Variants in XRCC5 observed in about 807,000 individuals in gnomAD.
XRCC5 encodes the protein DNA repair protein Ku80.
XRCC5 carries 12 observed loss-of-function variants against 95.7 expected under a neutral mutation model. That is an observed-to-expected ratio of 0.13 (90% CI 0.08 to 0.20). XRCC5 has a LOEUF of 0.20. Ranked by LOEUF, XRCC5 falls within the 10% of genes least tolerant of loss-of-function variation. The pLI is 1.00. For synonymous variants in XRCC5, 281 were observed against 290.3 expected (o/e 0.97, Z 0.33); for missense variants, 595 against 873.9 (o/e 0.68, Z 4.02).
At chr2:216,181,695 G>A (rs1689391340) in intron 16 of XRCC5, among the ~76,000 whole-genome samples, 1 of 152,190 alleles carries the variant, frequency 6.6e-6, no homozygotes, top group Non-Finnish European at 1.5e-5. Context: ...GAGACAAAAT[G>A]ACCTCCATCT....
At chr2:216,137,793 C>G (rs1198217802) in intron 11 of XRCC5, among the ~76,000 whole-genome samples, 1 of 152,094 alleles carries the variant, frequency 6.6e-6, no homozygotes, top group Non-Finnish European at 1.5e-5. Flanking sequence ...ATCTTGACTT[C>G]CAGGTCAACC....
At chr2:216,115,791 A>G (rs745571221) in intron 2 of XRCC5, among the ~76,000 whole-genome samples, 2 of 148,746 alleles carry the variant, frequency 1.3e-5, no homozygotes, top group Non-Finnish European at 3.0e-5. Flanking sequence ...TGTAAATCCT[A>G]ATGTTTCATA....
chr2:216,194,433 A>G (rs1689678238), intron 18 of XRCC5, among the ~76,000 whole-genome samples: 2 of 152,336 alleles, frequency 1.3e-5, no homozygotes, highest in South Asian at 4.1e-4. Context: ...ATAGTTACAT[A>G]AAATACGACA....
At chr2:216,173,035 A>G (rs939398405) in intron 16 of XRCC5, among the ~76,000 whole-genome samples, 6 of 151,646 alleles carry the variant, frequency 4.0e-5, no homozygotes, top group African/African-American at 1.5e-4. Flanking sequence ...TTATTTTTGG[A>G]TTATTTGTTG....
At chr2:216,110,936 G>A (rs1696580159) in intron 1 of XRCC5, among the ~76,000 whole-genome samples, 1 of 151,704 alleles carries the variant, frequency 6.6e-6, no homozygotes, top group South Asian at 2.1e-4. Context: ...ATCTCTTAGT[G>A]CATTGTGTTG....
chr2:216,146,547 T>A (rs901094888), intron 13 of XRCC5, among the ~76,000 whole-genome samples: 2 of 152,240 alleles, frequency 1.3e-5, no homozygotes, highest in African/African-American at 4.8e-5. Flanking sequence ...GGAATAGTTA[T>A]ACCTTAATTT....
chr2:216,131,837 A>G (rs1289269672), intron 9 of XRCC5, among the ~76,000 whole-genome samples: 1 of 152,194 alleles, frequency 6.6e-6, no homozygotes, highest in African/African-American at 2.4e-5. Flanking sequence ...CAAATGTACC[A>G]TGCTTTTACA....
At chr2:216,154,338 C>T (rs1688803560) in intron 14 of XRCC5, among the ~76,000 whole-genome samples, 1 of 152,160 alleles carries the variant, frequency 6.6e-6, no homozygotes. Flanking sequence ...TAAAAGGATG[C>T]TGATAATAGC....
Position 216,162,018 on chromosome 2 carries a change from G to T in XRCC5, c.1804G>T (p.Val602Leu). The change falls in exon 16 of 21, where the codon GTG becomes TTG. Residue 602 changes from valine (V) to leucine (L), a missense_variant. By Grantham distance (32) the Val-to-Leu change is conservative. Around this residue, in one of 2 missense-constraint regions of XRCC5, gnomAD observed 309 missense variants for 382.9 expected, o/e 0.81. Transcript: ENST00000392132. Reference protein sequence around the residue: ...VNPAENFRVLVKQKKASFEEA... With the variant: ...VNPAENFRVLLKQKKASFEEA... ...TCCTGCTGAAAACTTCCGTGTTCTA[G>T]TGAAACAGAAGAAGGCCAGCTTTGA... is the stretch of plus-strand genomic sequence containing the variant. 6.2e-7 allele frequency: 1 copy of T among 1,614,178 alleles called. No homozygotes were observed. Among genetic ancestry groups the T allele is most frequent in the Non-Finnish European group, 8.5e-7 (1 of 1,180,022 alleles).
At chr2:216,146,845 A>C (rs1052761794) in intron 13 of XRCC5, among the ~76,000 whole-genome samples, 1 of 152,168 alleles carries the variant, frequency 6.6e-6, no homozygotes, top group Admixed American at 6.5e-5. Context: ...GCTGTCAACA[A>C]CTAGAGCCCT....
At chr2:216,181,617 A>T (rs1428897072) in intron 16 of XRCC5, among the ~76,000 whole-genome samples, 2 of 152,152 alleles carry the variant, frequency 1.3e-5, no homozygotes, top group Non-Finnish European at 2.9e-5. Context: ...ATATCTTTGG[A>T]TCCCAATGCC....
At chr2:216,192,564 T>A in intron 17 of XRCC5, 75 bp from the exon 18 acceptor site, 1 of 968,526 alleles carries the variant, frequency 1.0e-6, no homozygotes, top group Non-Finnish European at 1.5e-6. Flanking sequence ...GACCAAACTT[T>A]GTTTGGTCTG....
chr2:216,131,142 A>G (rs1039617322), intron 9 of XRCC5, 155 bp downstream of exon 9: 1 of 979,424 alleles, frequency 1.0e-6, no homozygotes. Context: ...TATGTATTTT[A>G]TACATTGGGA....
At chr2:216,152,628 C>A (rs1309211328) in intron 14 of XRCC5, among the ~76,000 whole-genome samples, 1 of 151,264 alleles carries the variant, frequency 6.6e-6, no homozygotes, top group Non-Finnish European at 1.5e-5. Context: ...TTTACCTGTG[C>A]CCTGGATCCT....
intron 9 of XRCC5, among the ~76,000 whole-genome samples, chr2:216,132,049 C>G (rs1423460955): frequency 2.0e-5 from 3 of 152,224 alleles, no homozygotes; most frequent in Non-Finnish European, 4.4e-5. Context: ...TAATACTACA[C>G]TGCAGTTAAT....
At chr2:216,140,403 C>T (rs1697153295) in intron 12 of XRCC5, among the ~76,000 whole-genome samples, 1 of 152,234 alleles carries the variant, frequency 6.6e-6, no homozygotes, top group African/African-American at 2.4e-5. Flanking sequence ...ATGAAAGTTA[C>T]ACACAGTAGT....
In XRCC5 at chr2:216,205,223, C is replaced by CT. The variant is rs758231086; in HGVS notation, c.*22dup. Reference sequence around the variant, plus strand: ...TATAGGTCGTGGATGTATGGGGAATCTAAGAGAGCTGCCATCGCTGTGATG... The same window carrying CT: ...TATAGGTCGTGGATGTATGGGGAATCTTAAGAGAGCTGCCATCGCTGTGATG... On this transcript the variant is annotated 3_prime_UTR_variant, in exon 21 of 21. Coordinates refer to ENST00000392132, the MANE Select transcript of XRCC5 (RefSeq NM_021141.4). The CT allele has an allele frequency of 1.9e-6, 3 of 1,613,920 alleles. No individual in the cohort carries two copies. The highest frequency in any genetic ancestry group is 2.5e-6 in the Non-Finnish European group (3 of 1,179,830).
chr2:216,189,297 A>G (rs1402002361), intron 16 of XRCC5, among the ~76,000 whole-genome samples: 1 of 152,224 alleles, frequency 6.6e-6, no homozygotes, highest in African/African-American at 2.4e-5. Flanking sequence ...AAATTGCCAA[A>G]CAGCCACAGC....
In XRCC5 at chr2:216,116,600, A is replaced by G. The variant is rs898425466; in HGVS notation, c.136-59A>G. The stretch of plus-strand genomic sequence containing the variant: ...TTGTCCTGCTCCCTGAAGGTTAGGT[A>G]TTTTATTGCTTCCAGATTGTTCTAA... On this transcript the variant is annotated intron_variant, in intron 2 of 20. Coordinates refer to ENST00000392132, the MANE Select transcript of XRCC5 (RefSeq NM_021141.4). 25 of 1,603,006 alleles carry G rather than the reference A, an allele frequency of 1.6e-5. No homozygotes were observed. The Admixed American group carries it at 3.6e-4, about 23-fold the overall frequency.
Sources: gnomAD v4.1 joint callset for allele counts (sites outside exome capture counted in the v4.1 genomes callset) on GRCh38, gnomAD v4.1.1 for gene constraint, gnomAD v4.1.1 regional missense constraint, MANE v1.5 for transcripts, NCBI Gene and HGNC (gene_info 2026-07-23, HGNC 2026-07-21) for gene names.